The following KLRG2 variants were observed in gnomAD, a reference collection of about 807,000 sequenced individuals.
KLRG2 encodes killer cell lectin-like receptor subfamily G member 2.
A neutral mutation model predicts 35.4 loss-of-function variants in KLRG2; 39 were observed. The ratio of observed to expected loss-of-function variants is 1.10; its 90% CI spans 0.85 to 1.44. The LOEUF is 1.44. Among genes scored for constraint, KLRG2 ranks in the 40% most tolerant of loss-of-function variants. KLRG2 has a pLI of 0.00. For synonymous variants in KLRG2, 283 were observed against 265.8 expected (o/e 1.06, Z -0.63); for missense variants, 632 against 570.9 (o/e 1.11, Z -1.09).
At chr7:139,482,508 T>C (rs1796978231) in intron 1 of KLRG2, among the ~76,000 whole-genome samples, 1 of 152,114 alleles carries the variant, frequency 6.6e-6, no homozygotes, top group South Asian at 2.1e-4. Context: ...CTCTCCTGTC[T>C]CAGCCTCCTG....
intron 3 of KLRG2, among the ~76,000 whole-genome samples, chr7:139,459,617 C>T (rs1270184916): frequency 2.0e-5 from 3 of 152,254 alleles, no homozygotes; most frequent in African/African-American, 7.2e-5. Flanking sequence ...CCCTACTGAG[C>T]TCCTCTTGCC....
chr7:139,473,955 T>C (rs942531412), intron 3 of KLRG2, among the ~76,000 whole-genome samples: 3 of 151,046 alleles, frequency 2.0e-5, no homozygotes, highest in African/African-American at 7.3e-5. Flanking sequence ...ACTGAAATTT[T>C]CCAGAGAAGA....
intron 3 of KLRG2, among the ~76,000 whole-genome samples, chr7:139,461,661 G>A (rs78699715): frequency 6.6e-6 from 1 of 151,810 alleles, no homozygotes; most frequent in Non-Finnish European, 1.5e-5. Flanking sequence ...AGCACCTTAT[G>A]ACCCCCGCCC....
chr7:139,476,233 A>T (rs902908754), intron 3 of KLRG2, among the ~76,000 whole-genome samples: 6 of 152,028 alleles, frequency 3.9e-5, no homozygotes, highest in Admixed American at 3.9e-4. Context: ...CAAAACTCTG[A>T]CTCCACTGAG....
downstream of KLRG2, among the ~76,000 whole-genome samples, chr7:139,452,265 C>T (rs1021631033): frequency 3.3e-5 from 5 of 152,022 alleles, no homozygotes; most frequent in Admixed American, 1.3e-4. Flanking sequence ...CATGAGCCAC[C>T]GTGCCCGGCC....
chr7:139,462,141 C>T (rs927902943), intron 3 of KLRG2, among the ~76,000 whole-genome samples: 1 of 152,124 alleles, frequency 6.6e-6, no homozygotes, highest in African/African-American at 2.4e-5. Flanking sequence ...GCGTTTTATC[C>T]GTGAACCCAA....
the KLRG2 span, among the ~76,000 whole-genome samples, chr7:139,439,426 G>C: frequency 6.6e-6 from 1 of 152,202 alleles, no homozygotes; most frequent in East Asian, 1.9e-4. Context: ...CAGTTCAGGT[G>C]GTTGGAGCAG....
intron 3 of KLRG2, among the ~76,000 whole-genome samples, chr7:139,478,668 CATAA>C (rs1255477672): frequency 2.3e-4 from 35 of 152,202 alleles, no homozygotes; most frequent in African/African-American, 8.2e-4. Context: ...AGACACAACA[CATAA>C]ATAAATAAAA....
chr7:139,456,710 C>A (rs1229123066), intron 3 of KLRG2, among the ~76,000 whole-genome samples: 1 of 152,174 alleles, frequency 6.6e-6, no homozygotes, highest in African/African-American at 2.4e-5. Flanking sequence ...TGGCCTTGAA[C>A]CTCTGGGCTC....
the KLRG2 span, among the ~76,000 whole-genome samples, chr7:139,440,411 CTTTTTTTTTTTTTT>C: frequency 2.0e-4 from 8 of 40,506 alleles, no homozygotes; most frequent in African/African-American, 1.4e-3. Flanking sequence ...CCACACCTGG[CTTTTTTTTTTTTTT>C]TTTTTTTTTT....
chr7:139,428,975 A>C, the KLRG2 span, among the ~76,000 whole-genome samples: 1 of 152,168 alleles, frequency 6.6e-6, no homozygotes, highest in Non-Finnish European at 1.5e-5. Context: ...TGTATTTTTG[A>C]AAATTTTCAC....
chr7:139,458,887 C>T (rs17160920), intron 3 of KLRG2, among the ~76,000 whole-genome samples: 12,008 of 152,218 alleles, frequency 0.079, 1,377 homozygotes, highest in African/African-American at 0.26. Context: ...GGCCCTGGTG[C>T]GTTCCTGGGG....
the KLRG2 span, among the ~76,000 whole-genome samples, chr7:139,437,425 C>CAA: frequency 9.6e-4 from 70 of 73,192 alleles, no homozygotes; most frequent in South Asian, 1.6e-3. Context: ...ACTCCATCTC[C>CAA]AAAAAAAAAA....
chr7:139,483,530 A>C lies in KLRG2; in HGVS notation c.113T>G (p.Val38Gly), dbSNP rs1585181515. ...TLEQPQVPAK[V>G]RQPEGPESSP... Reference sequence around the variant, plus strand: ...GCTTTCGGGACCTTCAGGTTGTCGCACCTTCGCGGGCACCTGCGGCTGCTC... The same window carrying C: ...GCTTTCGGGACCTTCAGGTTGTCGCCCCTTCGCGGGCACCTGCGGCTGCTC... Residue 38 changes from valine to glycine, a missense_variant, in exon 1 of 5, where the codon GTG becomes GGG. Physicochemically the swap from Val to Gly is moderately radical, Grantham distance 109. Coordinates refer to ENST00000340940, the MANE Select transcript of KLRG2 (RefSeq NM_198508.4). 3.8e-6 allele frequency: 6 copies of C among 1,598,500 alleles called. No homozygotes were observed. The highest frequency in any genetic ancestry group is 5.1e-6 in the Non-Finnish European group (6 of 1,178,736).
chr7:139,467,359 G>A (rs919324228), intron 3 of KLRG2, among the ~76,000 whole-genome samples: 1 of 152,142 alleles, frequency 6.6e-6, no homozygotes, highest in African/African-American at 2.4e-5. Context: ...ACATCCAGGT[G>A]GCCTGAAGTG....
the KLRG2 span, among the ~76,000 whole-genome samples, chr7:139,442,868 G>C: frequency 6.6e-6 from 1 of 151,856 alleles, no homozygotes; most frequent in Non-Finnish European, 1.5e-5. Flanking sequence ...CAGGCACAGT[G>C]GATGCAGCAC....
chr7:139,432,648 TG>T, the KLRG2 span, among the ~76,000 whole-genome samples: 1 of 150,200 alleles, frequency 6.7e-6, no homozygotes, highest in Admixed American at 6.7e-5. Context: ...CTCTGCTTCC[TG>T]GGTTCAAGCG....
At chr7:139,460,988 G>C (rs1390250624) in intron 3 of KLRG2, among the ~76,000 whole-genome samples, 2 of 150,182 alleles carry the variant, frequency 1.3e-5, no homozygotes, top group African/African-American at 4.9e-5. Flanking sequence ...GAGGTTGGGC[G>C]AGGGGGCTCA....
chr7:139,466,119 T>C (rs1796649441), intron 3 of KLRG2, among the ~76,000 whole-genome samples: 1 of 152,094 alleles, frequency 6.6e-6, no homozygotes, highest in Non-Finnish European at 1.5e-5. Flanking sequence ...TATCTACTAC[T>C]CCTCAGGGAT....
Sources: gnomAD v4.1 joint callset for allele counts (sites outside exome capture counted in the v4.1 genomes callset) on GRCh38, gnomAD v4.1.1 for gene constraint, MANE v1.5 for transcripts, NCBI Gene and HGNC (gene_info 2026-07-23, HGNC 2026-07-21) for gene names.